GRID2IP: variants seen among roughly 807,000 people sequenced by gnomAD.
GRID2IP encodes delphilin.
In GRID2IP, 78 loss-of-function variants were observed where a neutral mutation model predicts 114.3. That is an observed-to-expected ratio of 0.68 (90% CI 0.57 to 0.82). The LOEUF is 0.82. GRID2IP is among the 40% of genes least tolerant of loss of function. GRID2IP has a pLI of 0.00. For synonymous variants in GRID2IP, 809 were observed against 724.0 expected, an observed-to-expected ratio of 1.12 and a Z score of -1.89; for missense variants, 1,727 against 1,678.5, an observed-to-expected ratio of 1.03 and a Z score of -0.51.
chr7:6,507,953 T>G lies in GRID2IP; in HGVS notation c.2544+32A>C. 6.5e-7 allele frequency: 1 copy of G among 1,548,424 alleles called. No homozygotes were observed. Among genetic ancestry groups the G allele is most frequent in the Non-Finnish European group, 8.7e-7 (1 of 1,146,066 alleles). On this transcript the variant is annotated intron_variant, in intron 13 of 21. Coordinates refer to ENST00000457091, the MANE Select transcript of GRID2IP (RefSeq NM_001145118.2). The surrounding 1 kb of genome is among the most constrained non-coding windows in gnomAD (Gnocchi z 5.3). ...TGCTGCCCAAGCCATCCTCCCCCAGTACAGAGCGCTGCTGGGTCCCAGGTC... is the reference window on the plus strand; with the variant it reads ...TGCTGCCCAAGCCATCCTCCCCCAGGACAGAGCGCTGCTGGGTCCCAGGTC...
At chr7:6,538,913 G>C (rs973668748) in intron 2 of GRID2IP, among the ~76,000 whole-genome samples, 13 of 152,062 alleles carry the variant, frequency 8.5e-5, no homozygotes, top group Admixed American at 3.3e-4. Flanking sequence ...AAGAGAGAGA[G>C]AGAGAAGAAA....
intron 2 of GRID2IP, among the ~76,000 whole-genome samples, chr7:6,537,234 T>G (rs2115094307): frequency 6.6e-6 from 1 of 152,000 alleles, no homozygotes; most frequent in South Asian, 2.1e-4. Flanking sequence ...CCAGTATTTT[T>G]TTTCTTCTGA....
At chr7:6,500,331 G>A (rs181769553) in intron 20 of GRID2IP, among the ~76,000 whole-genome samples, 1 of 152,086 alleles carries the variant, frequency 6.6e-6, no homozygotes, top group Admixed American at 6.6e-5. Flanking sequence ...GGTTGTGGTG[G>A]TGGGCACCTG....
intron 2 of GRID2IP, among the ~76,000 whole-genome samples, chr7:6,537,226 A>G (rs1307545855): frequency 1.3e-5 from 2 of 152,010 alleles, no homozygotes; most frequent in Admixed American, 1.3e-4. Flanking sequence ...AGGACCCACC[A>G]GTATTTTTTT....
intron 7 of GRID2IP, among the ~76,000 whole-genome samples, chr7:6,518,671 G>A (rs922677342): frequency 6.6e-6 from 1 of 152,042 alleles, no homozygotes. Flanking sequence ...AGGAGGGGGA[G>A]GTTGCAGTGA....
chr7:6,503,055 C>G lies in GRID2IP; in HGVS notation c.3016G>C (p.Ala1006Pro), dbSNP rs1786461249. ...IRGSLECLRQ[A>P]SLELKNSRKL... Reference sequence around the variant, plus strand: ...CGACTGTTTTTGAGCTCCAGGGAGGCCTGGCGCAAGCATTCAAGGCTGCCT... The same window carrying G: ...CGACTGTTTTTGAGCTCCAGGGAGGGCTGGCGCAAGCATTCAAGGCTGCCT... The change falls in exon 17 of 22, where the codon GCC becomes CCC. Residue 1006 changes from alanine (A) to proline (P), a missense_variant. Physicochemically the swap from Ala to Pro is conservative, Grantham distance 27 (BLOSUM62 -1). Transcript: ENST00000457091. 1.3e-6 allele frequency: 2 copies of G among 1,551,446 alleles called. No individual in the cohort carries two copies. Among genetic ancestry groups the G allele is most frequent in the African/African-American group, 2.7e-5 (2 of 73,056 alleles).
At chr7:6,533,147 G>C (rs997140948) in intron 2 of GRID2IP, among the ~76,000 whole-genome samples, 1 of 152,114 alleles carries the variant, frequency 6.6e-6, no homozygotes, top group Non-Finnish European at 1.5e-5. Context: ...TGGCATCTAG[G>C]GGGTAGAGGC....
intron 2 of GRID2IP, among the ~76,000 whole-genome samples, chr7:6,535,878 T>A (rs1779715178): frequency 6.6e-6 from 1 of 151,980 alleles, no homozygotes; most frequent in South Asian, 2.1e-4. Context: ...CCATCCGAAC[T>A]CTCCTTGGGG....
At chr7:6,505,761 TG>T in intron 14 of GRID2IP, 58 bp downstream of exon 14, 1 of 1,112,512 alleles carries the variant, frequency 9.0e-7, no homozygotes, top group Non-Finnish European at 1.3e-6. Context: ...ATGCTAAGCC[TG>T]GGGCTGCCAC....
At chr7:6,504,761 C>T in intron 15 of GRID2IP, 32 bp downstream of exon 15, 1 of 1,529,654 alleles carries the variant, frequency 6.5e-7, no homozygotes, top group Non-Finnish European at 8.9e-7. Flanking sequence ...CCGCCTGCCC[C>T]CTACACCCCC....
rs1473694338 is a variant in GRID2IP, at chr7:6,498,123, T to C, written c.3505A>G (p.Lys1169Glu). The C allele has an allele frequency of 1.9e-6, 3 of 1,551,586 alleles. No individual in the cohort carries two copies. The highest frequency in any genetic ancestry group is 2.6e-6 in the Non-Finnish European group (3 of 1,146,970). The change falls in exon 21 of 22, where the codon AAG (lysine) becomes GAG (glutamate). Residue 1169 changes from lysine to glutamate, a missense_variant. Lys to Glu is a moderately conservative substitution (Grantham distance 56). Transcript: ENST00000457091. ...KALAFFGEDS[K>E]ATTSEAFFGI... ...AAGAAAGCCTCAGAGGTGGTGGCCTTGGAATCCTCCCCAAAGAAGGCCAGC... is the reference window on the plus strand; with the variant it reads ...AAGAAAGCCTCAGAGGTGGTGGCCTCGGAATCCTCCCCAAAGAAGGCCAGC...
Position 6,521,202 on chromosome 7 carries a change from C to T in GRID2IP, c.1084+227G>A, listed in dbSNP as rs1427003318. Among the ~76,000 whole-genome samples the T allele has an allele frequency of 2.6e-5, 4 of 152,116 alleles. No homozygotes were observed. Among genetic ancestry groups the T allele is most frequent in the African/African-American group, 9.7e-5 (4 of 41,432 alleles). On this transcript the variant is annotated intron_variant, in intron 6 of 21. Coordinates refer to ENST00000457091, the MANE Select transcript of GRID2IP (RefSeq NM_001145118.2). This position sits in a 1 kb window ranked among gnomAD's most constrained non-coding sequence, Gnocchi z 4.1. ...CTCAGACTGGTCTCAAACTCCTGGC[C>T]TCAAGCGATCCTCCCACCTTGGCCT...
In GRID2IP at chr7:6,506,322, T is replaced by G. The variant is rs560620159; in HGVS notation, c.2545-415A>C. 1.3e-5 allele frequency among the ~76,000 whole-genome samples: 2 copies of G among 152,264 alleles called. No homozygotes were observed. The highest frequency in any genetic ancestry group is 3.9e-4 in the East Asian group (2 of 5,176). Reference sequence around the variant, plus strand: ...CAGAGTGAGCTGGTGCTGAGAGAACTGCAACTGTGACAGCCTAGGGGCCAG... The same window carrying G: ...CAGAGTGAGCTGGTGCTGAGAGAACGGCAACTGTGACAGCCTAGGGGCCAG... On this transcript the variant is annotated intron_variant, in intron 13 of 21. Transcript: ENST00000457091. The surrounding 1 kb of genome is among the most constrained non-coding windows in gnomAD (Gnocchi z 5.2).
chr7:6,537,966 C>G (rs1224503045), intron 2 of GRID2IP, among the ~76,000 whole-genome samples: 1 of 152,208 alleles, frequency 6.6e-6, no homozygotes, highest in Admixed American at 6.5e-5. Flanking sequence ...CTTAACCTCT[C>G]CGAGCCTCAG....
Position 6,536,949 on chromosome 7 carries a change from C to T in GRID2IP, c.584+2769G>A, listed in dbSNP as rs1214292270. The T allele has an allele frequency of 3.6e-6, 2 of 562,290 alleles. No homozygotes were observed. Among genetic ancestry groups the T allele is most frequent in the African/African-American group, 1.9e-5 (1 of 52,482 alleles). The allele number at this position is 562,290 out of a possible 1,614,324, so 34.8% of individuals were successfully genotyped here. ...CGGCGGGGAGGGTGGCCAGCCCAGT[C>T]CCTGACATTGGCCAGGCCCAGAGGG... On this transcript the variant is annotated intron_variant, in intron 2 of 21. Transcript: ENST00000457091. The surrounding 1 kb of genome is among the most constrained non-coding windows in gnomAD (Gnocchi z 5.3).
rs1018986288 is a variant in GRID2IP at position 6,521,356 on chromosome 7, G to C, written c.1084+73C>G. 6 of 1,105,760 alleles carry C rather than the reference G, an allele frequency of 5.4e-6. No homozygotes were observed. Among genetic ancestry groups the C allele is most frequent in the Admixed American group, 2.5e-5 (1 of 40,398 alleles). 68.5% of individuals were successfully genotyped at this position (1,105,760 alleles called of 1,614,324 possible). On this transcript the variant is annotated intron_variant, in intron 6 of 21. Coordinates refer to ENST00000457091, the MANE Select transcript of GRID2IP (RefSeq NM_001145118.2). The surrounding 1 kb of genome is among the most constrained non-coding windows in gnomAD (Gnocchi z 4.1). The stretch of plus-strand genomic sequence containing the variant: ...GGGGAAGAGCTGAGTCCTCCGCACT[G>C]TGACTCTCACATATAGCAGCCTGGG...
rs1183078549 is a variant in GRID2IP, at chr7:6,502,886, G to A, written c.3064-14C>T. On this transcript the variant is annotated splice_polypyrimidine_tract_variant and intron_variant, in intron 17 of 21. Coordinates refer to ENST00000457091, the MANE Select transcript of GRID2IP (RefSeq NM_001145118.2). The stretch of plus-strand genomic sequence containing the variant: ...GGCCAACACAAACTGTGGACAAGAA[G>A]GTGGGTAGGTCCTGTCCTCACCCCA... 1.3e-6 allele frequency: 2 copies of A among 1,549,494 alleles called. No homozygotes were observed. Among genetic ancestry groups the A allele is most frequent in the African/African-American group, 1.4e-5 (1 of 72,992 alleles).
rs1786289321 is a variant in GRID2IP, at chr7:6,497,589, G to C, written c.*185C>G. 7.5e-6 allele frequency: 4 copies of C among 532,078 alleles called. No individual in the cohort carries two copies. Among genetic ancestry groups the C allele is most frequent in the Admixed American group, 3.5e-5 (1 of 28,460 alleles). The allele number at this position is 532,078 out of a possible 1,614,324, so 33.0% of individuals were successfully genotyped here. A position where few individuals can be genotyped will look rare whatever the true frequency, so the allele number is the denominator to read the frequency against. ...CCTACAGCATCTGGCTCTGGGCCTG[G>C]GGGTAGGAACAAGGGCTGGCAGAGG... is the stretch of plus-strand genomic sequence containing the variant. On this transcript the variant is annotated 3_prime_UTR_variant, in exon 22 of 22. Coordinates refer to ENST00000457091, the MANE Select transcript of GRID2IP (RefSeq NM_001145118.2).
In GRID2IP at chr7:6,523,870, C is replaced by T. The variant is rs1329101588; in HGVS notation, c.920-1913G>A. ...CCTAGGCCAGGTATCTCTGGCTACACATGTGGGAGAGACTGGGAGATGGAG... is the reference window on the plus strand; with the variant it reads ...CCTAGGCCAGGTATCTCTGGCTACATATGTGGGAGAGACTGGGAGATGGAG... On this transcript the variant is annotated intron_variant, in intron 4 of 21. Transcript: ENST00000457091. This position sits in a 1 kb window ranked among gnomAD's most constrained non-coding sequence, Gnocchi z 4.5. 6.6e-6 allele frequency among the ~76,000 whole-genome samples: 1 copy of T among 152,160 alleles called. No individual in the cohort carries two copies. Among genetic ancestry groups the T allele is most frequent in the Non-Finnish European group, 1.5e-5 (1 of 68,042 alleles).
Sources: gnomAD v4.1 joint callset for allele counts (sites outside exome capture counted in the v4.1 genomes callset) on GRCh38, gnomAD v4.1.1 for gene constraint, Gnocchi (gnomAD v3.1) non-coding constraint, MANE v1.5 for transcripts, NCBI Gene and HGNC (gene_info 2026-07-23, HGNC 2026-07-21) for gene names.